Variants in MARCO observed in about 807,000 individuals in gnomAD.
MARCO encodes macrophage receptor MARCO.
Under a neutral mutation model 70.0 loss-of-function variants are expected in MARCO, and 72 were observed. The observed-to-expected ratio is 1.03, with a 90% CI of 0.85 to 1.25. MARCO has a LOEUF of 1.25. MARCO is among the 50% of genes most tolerant of loss of function. MARCO has a pLI of 0.00. For synonymous variants in MARCO, 273 were observed against 243.1 expected, an observed-to-expected ratio of 1.12 and a Z score of -1.14; for missense variants, 696 against 659.3, an observed-to-expected ratio of 1.06 and a Z score of -0.61.
At chr2:118,971,274 C>T (rs1680165497) in intron 3 of MARCO, among the ~76,000 whole-genome samples, 4 of 152,158 alleles carry the variant, frequency 2.6e-5, no homozygotes, top group African/African-American at 4.8e-5. Flanking sequence ...CTACAGGTCT[C>T]GGGGTGCAGT....
chr2:118,947,231 C>T (rs2104544715), intron 1 of MARCO, among the ~76,000 whole-genome samples: 2 of 152,282 alleles, frequency 1.3e-5, no homozygotes, highest in South Asian at 4.1e-4. Flanking sequence ...TCTAAGAGTT[C>T]TTTAGCCCTT....
rs1680303499 is a variant in MARCO, at chr2:118,977,364, CT to C, written c.614-105del. ...AGAGTGAGAGAGAGAGAAAGATCTCCTTCTGGGAACCTTGCTCAACTAAGGG... is the reference window on the plus strand; with the variant it reads ...AGAGTGAGAGAGAGAGAAAGATCTCCTCTGGGAACCTTGCTCAACTAAGGG... On this transcript the variant is annotated intron_variant, in intron 6 of 16. Coordinates refer to ENST00000327097, the MANE Select transcript of MARCO (RefSeq NM_006770.4). The C allele has an allele frequency of 1.9e-5, 17 of 899,100 alleles. No individual in the cohort carries two copies. The East Asian group carries it at 4.2e-4, about 22-fold the overall frequency. The allele number at this position is 899,100 out of a possible 1,614,324, so 55.7% of individuals were successfully genotyped here. A position where few individuals can be genotyped will look rare whatever the true frequency, so the allele number is the denominator to read the frequency against.
chr2:118,987,942 TAGTGGAAC>T (rs1460085366), intron 12 of MARCO, among the ~76,000 whole-genome samples: 3 of 152,186 alleles, frequency 2.0e-5, no homozygotes, highest in Non-Finnish European at 2.9e-5. Context: ...AGCCTAGTAC[TAGTGGAAC>T]AAAGGTGCCT....
At chr2:118,973,312 T>C (rs754950615) in intron 4 of MARCO, among the ~76,000 whole-genome samples, 3 of 152,084 alleles carry the variant, frequency 2.0e-5, no homozygotes, top group African/African-American at 7.2e-5. Flanking sequence ...TGAATATAGA[T>C]GTATGTACAT....
At chr2:118,955,171 G>T (rs1679811504) in intron 1 of MARCO, among the ~76,000 whole-genome samples, 1 of 152,180 alleles carries the variant, frequency 6.6e-6, no homozygotes, top group Non-Finnish European at 1.5e-5. Context: ...ACCAGGGAAA[G>T]GTGAAGCCCA....
chr2:118,958,056 G>GA (rs1679871062), intron 1 of MARCO, among the ~76,000 whole-genome samples: 1 of 151,886 alleles, frequency 6.6e-6, no homozygotes, highest in African/African-American at 2.4e-5. Flanking sequence ...ACTGAATGGG[G>GA]AAAAATTGAA....
At chr2:118,990,658 C>T in intron 13 of MARCO, 25 bp downstream of exon 13, 1 of 1,466,290 alleles carries the variant, frequency 6.8e-7, no homozygotes, top group African/African-American at 1.4e-5. Context: ...GCATCTTCAT[C>T]CCTCGGAGTG....
At chr2:118,979,932 C>T (rs1378473515) in intron 8 of MARCO, among the ~76,000 whole-genome samples, 2 of 152,204 alleles carry the variant, frequency 1.3e-5, no homozygotes, top group African/African-American at 2.4e-5. Context: ...CACTCTACTA[C>T]TTAGCTACAG....
intron 4 of MARCO, among the ~76,000 whole-genome samples, chr2:118,973,774 A>G (rs1007475360): frequency 1.6e-4 from 25 of 152,290 alleles, no homozygotes; most frequent in African/African-American, 5.1e-4. Flanking sequence ...GCCAAGCTTC[A>G]GGGAAGGGGA....
At chr2:118,979,757 T>G (rs1449892760) in intron 8 of MARCO, among the ~76,000 whole-genome samples, 4 of 152,184 alleles carry the variant, frequency 2.6e-5, no homozygotes, top group Admixed American at 6.5e-5. Flanking sequence ...CCCAAGATCA[T>G]GAGGTCTCTC....
chr2:118,990,960 C>T (rs1429060196), intron 13 of MARCO, among the ~76,000 whole-genome samples: 1 of 152,154 alleles, frequency 6.6e-6, no homozygotes, highest in Admixed American at 6.5e-5. Flanking sequence ...GAGCTGTGCC[C>T]CTTCTGCTCC....
intron 12 of MARCO, among the ~76,000 whole-genome samples, chr2:118,986,185 C>T (rs1680479539): frequency 1.3e-5 from 2 of 152,086 alleles, no homozygotes; most frequent in Non-Finnish European, 2.9e-5. Context: ...CTACACATAC[C>T]CCAATTTTGA....
At chr2:118,951,621 G>A (rs367630031) in intron 1 of MARCO, among the ~76,000 whole-genome samples, 2 of 152,368 alleles carry the variant, frequency 1.3e-5, no homozygotes, top group South Asian at 2.1e-4. Flanking sequence ...CAGGTTGTCA[G>A]TGGCCTCAGT....
intron 4 of MARCO, among the ~76,000 whole-genome samples, chr2:118,973,289 C>T (rs1398386657): frequency 1.3e-5 from 2 of 150,638 alleles, no homozygotes; most frequent in African/African-American, 2.4e-5. Flanking sequence ...CCATGTCTCC[C>T]TCTCTCTCTC....
In MARCO at chr2:118,977,859, C is replaced by G. The variant is rs369487470; in HGVS notation, c.690C>G (p.Ser230Arg). ...CAGGACCCCAAGGAGAGAAGGGCAGCAAAGGCGATGGGGGTCTCATTGGCC... is the reference window on the plus strand; with the variant it reads ...CAGGACCCCAAGGAGAGAAGGGCAGGAAAGGCGATGGGGGTCTCATTGGCC... ...GTPGPQGEKG[S>R]KGDGGLIGPK... Residue 230 changes from serine (S) to arginine (R), a missense_variant, in exon 8 of 17, where the codon AGC (serine) becomes AGG (arginine). By Grantham distance (110) the Ser-to-Arg change is moderately radical. This residue lies in a region of MARCO where 605 missense variants were observed against 537.6 expected (regional missense o/e 1.13). Coordinates refer to ENST00000327097, the MANE Select transcript of MARCO (RefSeq NM_006770.4). 7 of 1,612,928 alleles carry G rather than the reference C, an allele frequency of 4.3e-6. No individual in the cohort carries two copies. The African/African-American group carries it at 9.3e-5, about 22-fold the overall frequency.
In MARCO at chr2:118,963,981, C is replaced by T. The variant is rs141209600; in HGVS notation, c.98-5179C>T. Among the ~76,000 whole-genome samples the T allele has an allele frequency of 2.6e-5, 4 of 151,878 alleles. No individual in the cohort carries two copies. The South Asian group carries it at 8.3e-4, about 32-fold the overall frequency. ...GATTATTTGAATAATTTTTAGAATTCCATTTTGATTTATTTATAGTGTTTT... is the reference window on the plus strand; with the variant it reads ...GATTATTTGAATAATTTTTAGAATTTCATTTTGATTTATTTATAGTGTTTT... On this transcript the variant is annotated intron_variant, in intron 1 of 16. Transcript: ENST00000327097.
At chr2:118,946,596 G>A (rs1679605758) in intron 1 of MARCO, among the ~76,000 whole-genome samples, 2 of 151,984 alleles carry the variant, frequency 1.3e-5, no homozygotes, top group South Asian at 2.1e-4. Context: ...GTTGTTTTCA[G>A]TTTGGGGGCT....
chr2:118,993,010 A>G (rs1193498510), intron 15 of MARCO, 114 bp from the exon 16 acceptor site: 1 of 945,004 alleles, frequency 1.1e-6, no homozygotes, highest in African/African-American at 1.7e-5. Flanking sequence ...ACAGTCAAGC[A>G]GGGGCATTTC....
At chr2:118,984,478 G>A (rs111592508) in intron 12 of MARCO, among the ~76,000 whole-genome samples, 1 of 152,162 alleles carries the variant, frequency 6.6e-6, no homozygotes, top group African/African-American at 2.4e-5. Flanking sequence ...CTTAATTCTG[G>A]CTGACCAAGT....
Sources: allele counts gnomAD v4.1 joint callset (sites outside exome capture counted in the v4.1 genomes callset), GRCh38; gene constraint gnomAD v4.1.1; regional missense constraint gnomAD v4.1.1; transcripts MANE v1.5; gene names NCBI Gene and HGNC (gene_info 2026-07-23, HGNC 2026-07-21).